ERICH1: variants seen among roughly 807,000 people sequenced by gnomAD.
ERICH1 encodes the protein glutamate rich 1.
ERICH1 carries 56 observed loss-of-function variants against 39.6 expected under a neutral mutation model. The ratio of observed to expected loss-of-function variants is 1.41; its 90% CI spans 1.14 to 1.77. The LOEUF (loss-of-function observed/expected upper bound fraction) is 1.77, where lower values mean the gene tolerates loss of function less well. Ranked by LOEUF, ERICH1 falls within the 40% of genes most tolerant of loss-of-function variation. ERICH1 has a pLI of 0.00. For missense variants in ERICH1, 826 were observed against 575.4 expected (o/e 1.44, Z -4.45); for synonymous variants, 313 against 223.6 (o/e 1.40, Z -3.57).
At chr8:663,224 G>A (rs1159660198), downstream of ERICH1, among the ~76,000 whole-genome samples, 3 of 152,214 alleles carry the variant, frequency 2.0e-5, no homozygotes, top group East Asian at 3.9e-4. Context: ...GACAGGGGCC[G>A]GCGGGGACGC....
chr8:725,591 C>G (rs553848110), intron 1 of ERICH1, among the ~76,000 whole-genome samples: 34 of 152,342 alleles, frequency 2.2e-4, no homozygotes, highest in East Asian at 9.7e-4. Context: ...CTCTCCCAAC[C>G]TGCAAGCAGC....
intron 3 of ERICH1, among the ~76,000 whole-genome samples, chr8:682,662 C>T (rs1026664521): frequency 2.0e-5 from 3 of 152,334 alleles, no homozygotes; most frequent in East Asian, 3.9e-4. Context: ...CTTTCAGACA[C>T]ACTAACTTTA....
At chr8:670,154 G>A (rs1049976274) in intron 4 of ERICH1, among the ~76,000 whole-genome samples, 1 of 152,214 alleles carries the variant, frequency 6.6e-6, no homozygotes, top group Non-Finnish European at 1.5e-5. Context: ...CTCATTTGCT[G>A]TTTCCCTGTC....
intron 3 of ERICH1, among the ~76,000 whole-genome samples, chr8:678,368 A>G (rs1805339134): frequency 6.6e-6 from 1 of 151,962 alleles, no homozygotes; most frequent in African/African-American, 2.4e-5. Flanking sequence ...ACACAACGAC[A>G]TGCAAATCAG....
At chr8:679,077 A>C (rs1376236455) in intron 3 of ERICH1, among the ~76,000 whole-genome samples, 4 of 143,938 alleles carry the variant, frequency 2.8e-5, no homozygotes, top group Non-Finnish European at 6.0e-5. Context: ...CCCACCCCTT[A>C]CAGCAGTGAC....
intron 2 of ERICH1, among the ~76,000 whole-genome samples, chr8:710,136 C>T (rs1274229864): frequency 4.6e-5 from 7 of 152,206 alleles, no homozygotes; most frequent in Non-Finnish European, 1.0e-4. Flanking sequence ...CACGTTGCCA[C>T]CCCGGTCTGC....
At chr8:638,029 A>G (rs900829519) in intron 3 of ERICH1, among the ~76,000 whole-genome samples, 2 of 152,212 alleles carry the variant, frequency 1.3e-5, no homozygotes, top group Admixed American at 1.3e-4. Context: ...GAAGCAAAAT[A>G]ATGACTTTAC....
intron 5 of ERICH1, among the ~76,000 whole-genome samples, chr8:665,794 G>C (rs1056720425): frequency 2.6e-5 from 4 of 152,186 alleles, no homozygotes; most frequent in African/African-American, 7.2e-5. Flanking sequence ...CTGAGCCAGA[G>C]GAGAGGCAGA....
chr8:615,596 T>C, intron 3 of ERICH1: 1 of 281,126 alleles, frequency 3.6e-6, no homozygotes, highest in Non-Finnish European at 6.6e-6. Context: ...TGCTATGAAC[T>C]ATCCCTGATC....
intron 3 of ERICH1, among the ~76,000 whole-genome samples, chr8:643,731 G>A (rs369654126): frequency 2.0e-5 from 3 of 152,230 alleles, no homozygotes; most frequent in East Asian, 1.9e-4. Context: ...GGGATGTGGC[G>A]TCAGGCATGG....
rs1188369957 is a variant in ERICH1 at position 616,960 on chromosome 8, C to CAGAGAGAGAGAGAGAGAG, written c.977-1677_977-1676insCTCTCTCTCTCTCTCTCT. 2.0e-4 allele frequency among the ~76,000 whole-genome samples: 2 copies of CAGAGAGAGAGAGAGAGAG among 9,944 alleles called. 1 individual carries two copies. Among genetic ancestry groups the CAGAGAGAGAGAGAGAGAG allele is most frequent in the Non-Finnish European group, 2.8e-4 (2 of 7,200 alleles). 6.5% of individuals were successfully genotyped at this position (9,944 alleles called of 152,430 possible). Reference sequence around the variant, plus strand: ...AGAGAGAGGGAGAGGGAGACAGAGACACACAGAGAGAGAGAGAGAGAGACA... The same window carrying CAGAGAGAGAGAGAGAGAG: ...AGAGAGAGGGAGAGGGAGACAGAGACAGAGAGAGAGAGAGAGAGACACAGAGAGAGAGAGAGAGAGACA... On this transcript the variant is annotated intron_variant, in intron 3 of 3. Coordinates refer to the ERICH1 transcript ENST00000522706.
intron 5 of ERICH1, chr8:665,886 G>A (rs551609263): frequency 2.6e-4 from 40 of 152,356 alleles, no homozygotes; most frequent in African/African-American, 9.6e-4. Flanking sequence ...GAGAGACACA[G>A]TGACTCATTA....
chr8:703,721 T>C (rs1156241460), intron 2 of ERICH1, among the ~76,000 whole-genome samples: 3 of 152,130 alleles, frequency 2.0e-5, no homozygotes, highest in African/African-American at 7.2e-5. Context: ...AAGATGAAAT[T>C]TGAGAAAATC....
intron 2 of ERICH1, among the ~76,000 whole-genome samples, chr8:713,018 G>A (rs1815115248): frequency 6.6e-6 from 1 of 152,264 alleles, no homozygotes; most frequent in African/African-American, 2.4e-5. Flanking sequence ...CCGGAAGGCT[G>A]GAAGGCCAAG....
intron 2 of ERICH1, among the ~76,000 whole-genome samples, chr8:702,994 AC>A: frequency 6.6e-6 from 1 of 152,298 alleles, no homozygotes; most frequent in African/African-American, 2.4e-5. Flanking sequence ...AACTGCCCAC[AC>A]CACCCAGGCA....
At chr8:644,050 TG>T (rs1563183021) in intron 3 of ERICH1, among the ~76,000 whole-genome samples, 1 of 152,238 alleles carries the variant, frequency 6.6e-6, no homozygotes, top group Non-Finnish European at 1.5e-5. Flanking sequence ...TTTCTCCAGC[TG>T]ATCTTACATT....
At position 694,379 on chromosome 8, in the gene ERICH1, T is replaced by C. The variant is rs1455296816; in HGVS notation, c.170-1767A>G. Among the ~76,000 whole-genome samples the C allele has an allele frequency of 2.6e-5, 4 of 152,250 alleles. No homozygotes were observed. In the East Asian group the frequency reaches 7.7e-4, roughly 29 times the overall value. ...TTCACAGAATATTTTTGGAAGCTTT[T>C]AATCAGCTAAATCTTTCTTAGTAAG... On this transcript the variant is annotated intron_variant, in intron 2 of 5. Coordinates refer to ENST00000262109, the MANE Select transcript of ERICH1 (RefSeq NM_207332.3).
Position 726,592 on chromosome 8 carries a change from ACACACACAGG to A in ERICH1, c.22+4538_22+4547del, listed in dbSNP as rs1486621667. Among the ~76,000 whole-genome samples, 12 of 151,220 alleles carry A rather than the reference ACACACACAGG, an allele frequency of 7.9e-5. No homozygotes were observed. The South Asian group carries it at 8.4e-4, about 11-fold the overall frequency. ...ACAAGACACACAGGCGCACACACAT[ACACACACAGG>A]CACACATGCATGCACATAGACACAG... is the stretch of plus-strand genomic sequence containing the variant. On this transcript the variant is annotated intron_variant, in intron 1 of 5. Transcript: ENST00000262109.
At chr8:669,577 G>T (rs1703877) in intron 4 of ERICH1, among the ~76,000 whole-genome samples, 2 of 107,826 alleles carry the variant, frequency 1.9e-5, no homozygotes, top group Non-Finnish European at 4.3e-5. Context: ...CCGTCTACAC[G>T]TCTGTCTGGT....
Sources: allele counts gnomAD v4.1 joint callset (sites outside exome capture counted in the v4.1 genomes callset), GRCh38; gene constraint gnomAD v4.1.1; transcripts MANE v1.5; gene names NCBI Gene and HGNC (gene_info 2026-07-23, HGNC 2026-07-21).